PLCE1: variants seen among roughly 807,000 people sequenced by gnomAD.
PLCE1 encodes the protein phospholipase C epsilon 1, also known as 1-phosphatidylinositol 4,5-bisphosphate phosphodiesterase epsilon-1.
A neutral mutation model predicts 242.8 loss-of-function variants in PLCE1; 119 were observed. That is an observed-to-expected ratio of 0.49 (90% CI 0.42 to 0.57). The LOEUF is 0.57. PLCE1 is among the 20% of genes least tolerant of loss of function. The pLI, the probability that PLCE1 is intolerant of heterozygous loss-of-function variation, is 0.00. For synonymous variants in PLCE1, 945 were observed against 1,017.4 expected (o/e 0.93, Z 1.35); for missense variants, 2,441 against 2,788.8 (o/e 0.88, Z 2.81).
chr10:94,283,743 T>C (rs2052335198), intron 20 of PLCE1, 47 bp from the exon 21 acceptor site: 1 of 1,596,764 alleles, frequency 6.3e-7, no homozygotes, highest in Admixed American at 1.7e-5. Context: ...AGCTCTTAAG[T>C]GAAGCATTGG....
chr10:94,248,109 T>C (rs1011048006), intron 8 of PLCE1, among the ~76,000 whole-genome samples: 10 of 152,248 alleles, frequency 6.6e-5, no homozygotes, highest in African/African-American at 2.4e-4. Flanking sequence ...AAAACATTTC[T>C]CGCCCCAGGA....
chr10:94,298,645 G>C lies in PLCE1; in HGVS notation c.5434G>C (p.Val1812Leu). 1 of 1,614,126 alleles carries C rather than the reference G, an allele frequency of 6.2e-7. No individual in the cohort carries two copies. Among genetic ancestry groups the C allele is most frequent in the Non-Finnish European group, 8.5e-7 (1 of 1,180,018 alleles). The change falls in exon 24 of 33, where the codon GTG becomes CTG. Residue 1812 changes from valine to leucine, a missense_variant. Val to Leu is a conservative substitution (Grantham distance 32). Transcript: ENST00000371380. The surrounding 1 kb of genome is among the most constrained non-coding windows in gnomAD (Gnocchi z 5.2). The stretch of plus-strand genomic sequence containing the variant: ...GTTCTGGCTCCATGGGATACAGCTT[G>C]TGGCACTCAACTACCAGACTGATGG... ...LMFWLHGIQL[V>L]ALNYQTDDLP...
chr10:94,326,238 G>A (rs987134899), intron 32 of PLCE1, among the ~76,000 whole-genome samples: 1 of 152,186 alleles, frequency 6.6e-6, no homozygotes, highest in African/African-American at 2.4e-5. Context: ...TTATGACAAT[G>A]AGGAACTTCT....
chr10:94,292,677 T>G (rs752970605), intron 22 of PLCE1, among the ~76,000 whole-genome samples: 9 of 152,188 alleles, frequency 5.9e-5, no homozygotes, highest in Non-Finnish European at 1.2e-4. Flanking sequence ...TCCTGTCTCC[T>G]CTGATGATGT....
At chr10:94,264,354 A>G (rs761794568) in intron 14 of PLCE1, among the ~76,000 whole-genome samples, 1 of 152,056 alleles carries the variant, frequency 6.6e-6, no homozygotes, top group Non-Finnish European at 1.5e-5. Flanking sequence ...GTGTACTGTG[A>G]GCTGCACAAG....
At chr10:94,296,318 A>G (rs7907457) in intron 23 of PLCE1, among the ~76,000 whole-genome samples, 4,957 of 150,624 alleles carry the variant, frequency 0.033, 273 homozygotes, top group African/African-American at 0.11. Flanking sequence ...GTGAGCCAAG[A>G]TCGCACCACT....
chr10:94,244,260 A>C (rs2137477950), intron 7 of PLCE1, among the ~76,000 whole-genome samples: 1 of 152,356 alleles, frequency 6.6e-6, no homozygotes, highest in African/African-American at 2.4e-5. Context: ...ATCAAGAGGC[A>C]GTAGGTGGCC....
intron 2 of PLCE1, among the ~76,000 whole-genome samples, chr10:94,097,894 G>A (rs1010266862): frequency 3.9e-5 from 6 of 152,202 alleles, no homozygotes; most frequent in African/African-American, 1.4e-4. Context: ...TGGCCTAGGG[G>A]TTGAAGGAGA....
chr10:94,228,488 CAT>C (rs1025663513), intron 5 of PLCE1, among the ~76,000 whole-genome samples: 5 of 152,188 alleles, frequency 3.3e-5, no homozygotes, highest in Admixed American at 3.3e-4. Context: ...GTATTTGACA[CAT>C]GTGCGTGGCG....
intron 2 of PLCE1, chr10:94,099,812 T>C (rs530867817): frequency 1.3e-5 from 2 of 152,314 alleles, no homozygotes; most frequent in African/African-American, 4.8e-5. Context: ...AGTGGGTCTT[T>C]GGTTATCACA....
intron 3 of PLCE1, among the ~76,000 whole-genome samples, chr10:94,156,740 T>C (rs969829393): frequency 2.6e-5 from 4 of 152,106 alleles, no homozygotes; most frequent in Admixed American, 1.3e-4. Flanking sequence ...AATCATGCCT[T>C]GGTTTTTCTG....
At chr10:94,136,148 G>A (rs1206436074) in intron 3 of PLCE1, among the ~76,000 whole-genome samples, 1 of 152,186 alleles carries the variant, frequency 6.6e-6, no homozygotes. Context: ...AAAAACAAAT[G>A]CTGTATGATT....
intron 24 of PLCE1, among the ~76,000 whole-genome samples, chr10:94,304,122 C>A (rs561435100): frequency 6.6e-6 from 1 of 152,316 alleles, no homozygotes; most frequent in Admixed American, 6.5e-5. Flanking sequence ...GTCCTGGAAC[C>A]AATCCCCCAT....
Position 94,236,130 on chromosome 10 carries a change from A to C in PLCE1, c.2420+10A>C, listed in dbSNP as rs765250082. The C allele has an allele frequency of 6.2e-7, 1 of 1,609,144 alleles. No individual in the cohort carries two copies. Among genetic ancestry groups the C allele is most frequent in the Non-Finnish European group, 8.5e-7 (1 of 1,176,066 alleles). ...ATAAAAGCCGATGGCAGTAAGTTTT[A>C]CACGTTAAAAGTGAGGAATGCTCAT... On this transcript the variant is annotated intron_variant, in intron 7 of 32. Transcript: ENST00000371380.
rs567873736 is a variant in PLCE1, at chr10:94,199,413, T to A, written c.1810-27893T>A. On this transcript the variant is annotated intron_variant, in intron 4 of 32. Coordinates refer to ENST00000371380, the MANE Select transcript of PLCE1 (RefSeq NM_016341.4). ...GGGACAGAAGTCCCTACCCTACCAC[T>A]CACTCAGGATTGTTGTAAAGATAGA... 8.5e-5 allele frequency among the ~76,000 whole-genome samples: 13 copies of A among 152,294 alleles called. No individual in the cohort carries two copies. In the South Asian group the frequency reaches 1.5e-3, roughly 17 times the overall value.
chr10:94,017,143 C>T (rs1310527637), intron 1 of PLCE1, among the ~76,000 whole-genome samples: 3 of 152,076 alleles, frequency 2.0e-5, no homozygotes, highest in Non-Finnish European at 1.5e-5. Flanking sequence ...GGCCTGAAGG[C>T]TGGGAGGGGA....
chr10:94,307,556 T>G (rs2053243783), intron 26 of PLCE1, among the ~76,000 whole-genome samples: 1 of 152,186 alleles, frequency 6.6e-6, no homozygotes, highest in East Asian at 1.9e-4. Flanking sequence ...ACCACAGAAA[T>G]GTATTTCCTC....
intron 7 of PLCE1, among the ~76,000 whole-genome samples, chr10:94,245,573 G>A (rs2050651320): frequency 6.6e-6 from 1 of 152,170 alleles, no homozygotes; most frequent in East Asian, 1.9e-4. Context: ...TGCAAGCTCC[G>A]CCTCCCGGGT....
chr10:94,296,925 G>C (rs965799571), intron 23 of PLCE1, among the ~76,000 whole-genome samples: 2 of 151,606 alleles, frequency 1.3e-5, no homozygotes, highest in African/African-American at 4.9e-5. Context: ...CCAGGCTGGA[G>C]TGCAGTGGCG....
Sources: allele counts gnomAD v4.1 joint callset (sites outside exome capture counted in the v4.1 genomes callset), GRCh38; gene constraint gnomAD v4.1.1; non-coding constraint Gnocchi (gnomAD v3.1); transcripts MANE v1.5; gene names NCBI Gene and HGNC (gene_info 2026-07-23, HGNC 2026-07-21).